The following C12orf56 variants were observed in gnomAD, a reference collection of about 807,000 sequenced individuals.
The protein encoded by C12orf56 is chromosome 12 open reading frame 56.
C12orf56 carries 71 observed loss-of-function variants against 69.9 expected under a neutral mutation model. That is an observed-to-expected ratio of 1.02 (90% CI 0.84 to 1.24). C12orf56 has a LOEUF of 1.24. Among genes scored for constraint, C12orf56 ranks in the 50% most tolerant of loss-of-function variants. C12orf56 has a pLI of 0.00. For missense variants in C12orf56, 732 were observed against 738.5 expected, an observed-to-expected ratio of 0.99 and a Z score of 0.10; for synonymous variants, 276 against 274.1, an observed-to-expected ratio of 1.01 and a Z score of -0.07.
chr12:64,366,397 A>G (rs1231207580), intron 1 of C12orf56, among the ~76,000 whole-genome samples: 1 of 90,784 alleles, frequency 1.1e-5, no homozygotes, highest in African/African-American at 4.5e-5. Context: ...CAGTTTATAT[A>G]TATTATATAT....
chr12:64,337,854 CAAAAAAAAAA>C (rs748434656), intron 2 of C12orf56, among the ~76,000 whole-genome samples: 4 of 90,760 alleles, frequency 4.4e-5, no homozygotes, highest in Non-Finnish European at 9.0e-5. Flanking sequence ...AAAATTCTGT[CAAAAAAAAAA>C]AAAAAAAAAA....
chr12:64,281,428 C>T (rs1373882440), intron 8 of C12orf56, among the ~76,000 whole-genome samples: 1 of 151,746 alleles, frequency 6.6e-6, no homozygotes, highest in Non-Finnish European at 1.5e-5. Context: ...AAAAATCAGC[C>T]GAGCGTGGTG....
At position 64,284,671 on chromosome 12, in the gene C12orf56, C is replaced by A. The variant is rs1382590638; in HGVS notation, c.1303G>T (p.Ala435Ser). The A allele has an allele frequency of 6.2e-7, 1 of 1,608,394 alleles. No individual in the cohort carries two copies. The highest frequency in any genetic ancestry group is 8.5e-7 in the Non-Finnish European group (1 of 1,177,882). The change falls in exon 8 of 13, where the codon GCT becomes TCT. Residue 435 changes from alanine (A) to serine (S), a missense_variant. Transcript: ENST00000543942. The part of the protein sequence containing the change: ...TESSRLNTLA[A>S]KKGALFNLLV... ...TCTTCTAAAAGACCTTACTTCTTAG[C>A]TGCCAATGTGTTCAGGCGTGATGAC...
chr12:64,293,235 G>GCGCGCACCCACTGA (rs2038318765), intron 6 of C12orf56: 1 of 151,858 alleles, frequency 6.6e-6, no homozygotes, highest in African/African-American at 2.4e-5. Context: ...GCACCCACTG[G>GCGCGCACCCACTGA]CCTGCGCCCA....
At chr12:64,346,696 T>C (rs1592473610) in intron 2 of C12orf56, among the ~76,000 whole-genome samples, 1 of 152,024 alleles carries the variant, frequency 6.6e-6, no homozygotes, top group East Asian at 1.9e-4. Flanking sequence ...ACATGATTGG[T>C]TCCTCTGGCA....
chr12:64,264,845 G>C lies in C12orf56; in HGVS notation c.*2338C>G, dbSNP rs1333968290. On this transcript the variant is annotated 3_prime_UTR_variant, in exon 13 of 13. Coordinates refer to ENST00000543942, the MANE Select transcript of C12orf56 (RefSeq NM_001170633.2). ...AGACATGAGTTATACAGAGTAGACT[G>C]AAGAAAATCAGGGTGACAAATATTC... The C allele has an allele frequency of 6.6e-6, 1 of 152,188 alleles. No individual in the cohort carries two copies. The highest frequency in any genetic ancestry group is 2.4e-5 in the African/African-American group (1 of 41,440). The allele number at this position is 152,188 out of a possible 1,614,324, so 9.4% of individuals were successfully genotyped here.
intron 2 of C12orf56, among the ~76,000 whole-genome samples, chr12:64,337,124 CT>C (rs1199271748): frequency 6.6e-6 from 1 of 152,112 alleles, no homozygotes; most frequent in East Asian, 1.9e-4. Flanking sequence ...GGACAGATAC[CT>C]TAAAAAGGCT....
At chr12:64,298,206 C>A (rs1022898462) in intron 6 of C12orf56, among the ~76,000 whole-genome samples, 1 of 152,008 alleles carries the variant, frequency 6.6e-6, no homozygotes, top group Non-Finnish European at 1.5e-5. Flanking sequence ...CTGTTCATAT[C>A]CTTTGCCCAC....
Position 64,314,643 on chromosome 12 carries a change from C to CT in C12orf56, c.895-1892dup, listed in dbSNP as rs151154285. On this transcript the variant is annotated intron_variant, in intron 4 of 12. Transcript: ENST00000543942. The stretch of plus-strand genomic sequence containing the variant: ...TTGTTGATTTGACACTGCAGACAAG[C>CT]TTTTTTTTTTTTTGAGACGGAGTCT... Among the ~76,000 whole-genome samples the CT allele has an allele frequency of 1.9e-3, 267 of 144,200 alleles. 1 individual carries two copies. The East Asian group carries it at 0.025, about 13-fold the overall frequency. 94.6% of individuals were successfully genotyped at this position (144,200 alleles called of 152,430 possible). A position where few individuals can be genotyped will look rare whatever the true frequency, so the allele number is the denominator to read the frequency against.
intron 2 of C12orf56, among the ~76,000 whole-genome samples, chr12:64,339,645 C>T (rs570762935): frequency 2.0e-5 from 3 of 152,212 alleles, no homozygotes; most frequent in Non-Finnish European, 4.4e-5. Flanking sequence ...TCAGTATAGC[C>T]TCAACCTCCC....
intron 6 of C12orf56, among the ~76,000 whole-genome samples, chr12:64,303,198 T>C (rs973356209): frequency 6.6e-6 from 1 of 151,680 alleles, no homozygotes; most frequent in Non-Finnish European, 1.5e-5. Flanking sequence ...GGCTTATACC[T>C]GGGAGGCAGA....
intron 8 of C12orf56, among the ~76,000 whole-genome samples, chr12:64,284,046 C>T (rs10784396): frequency 0.72 from 109,555 of 151,636 alleles, 40,356 homozygotes; most frequent in Non-Finnish European, 0.8. Context: ...TACAAGTGCG[C>T]ACCACCATGC....
chr12:64,308,909 A>G (rs888276565), intron 5 of C12orf56, among the ~76,000 whole-genome samples: 5 of 68,448 alleles, frequency 7.3e-5, no homozygotes, highest in African/African-American at 2.8e-4. Context: ...AGAAAGAAAG[A>G]AAGAAAGAAA....
chr12:64,366,221 TATATTATATATAATATACAGTTTA>T, intron 1 of C12orf56, among the ~76,000 whole-genome samples: 1 of 75,846 alleles, frequency 1.3e-5, no homozygotes, highest in Non-Finnish European at 2.3e-5. Context: ...ATACAGTTTA[TATATTATATATAATATACAGTTTA>T]TATATTATAT....
chr12:64,341,490 T>C (rs185160306), intron 2 of C12orf56, among the ~76,000 whole-genome samples: 3 of 152,276 alleles, frequency 2.0e-5, no homozygotes, highest in African/African-American at 7.2e-5. Context: ...TCCAGCTGCT[T>C]CAGGATGAGG....
chr12:64,358,609 C>T (rs530498304), intron 1 of C12orf56, among the ~76,000 whole-genome samples: 60 of 151,686 alleles, frequency 4.0e-4, no homozygotes, highest in Non-Finnish European at 5.0e-4. Flanking sequence ...GCCTGGCCAA[C>T]GTGTTGAAAC....
At chr12:64,300,641 A>C (rs985544930) in intron 6 of C12orf56, among the ~76,000 whole-genome samples, 72 of 152,136 alleles carry the variant, frequency 4.7e-4, no homozygotes, top group Non-Finnish European at 5.0e-4. Context: ...ATTCCATAAA[A>C]CCCTGTTCCC....
rs546707547 is a variant in C12orf56, at chr12:64,353,853, T to C, written c.253-797A>G. On this transcript the variant is annotated intron_variant, in intron 1 of 12. Coordinates refer to ENST00000543942, the MANE Select transcript of C12orf56 (RefSeq NM_001170633.2). ...CCTGCGATCACGCCCAGCTAATTTT[T>C]GTATTTTTGTAGAGATGGGGTTTCA... 5.1e-4 allele frequency among the ~76,000 whole-genome samples: 78 copies of C among 152,264 alleles called. No individual in the cohort carries two copies. The South Asian group carries it at 0.015, about 29-fold the overall frequency.
rs2038729702 is a variant in C12orf56 at position 64,318,882 on chromosome 12, G to T, written c.587C>A (p.Pro196His). 2 of 1,537,042 alleles carry T rather than the reference G, an allele frequency of 1.3e-6. No homozygotes were observed. Among genetic ancestry groups the T allele is most frequent in the Non-Finnish European group, 1.7e-6 (2 of 1,146,902 alleles). ...LSLHGQGAFR[P>H]LPSPSRRSSQ... ...GCTCCTCCTGGAGGGGGAAGGTAGG[G>T]GTCGAAAGGCACCTTGGCCATGAAG... is the stretch of plus-strand genomic sequence containing the variant. The change falls in exon 4 of 13, where the codon CCC (proline) becomes CAC (histidine). Residue 196 changes from proline (P) to histidine (H), a missense_variant. Pro to His is a moderately conservative substitution (Grantham distance 77). Transcript: ENST00000543942.
Sources: gnomAD v4.1 joint callset for allele counts (sites outside exome capture counted in the v4.1 genomes callset) on GRCh38, gnomAD v4.1.1 for gene constraint, MANE v1.5 for transcripts, NCBI Gene and HGNC (gene_info 2026-07-23, HGNC 2026-07-21) for gene names.